The following ATG4B variants were observed in gnomAD, a reference collection of about 807,000 sequenced individuals.
ATG4B encodes autophagy related 4B cysteine peptidase.
Under a neutral mutation model 56.6 loss-of-function variants are expected in ATG4B, and 29 were observed. The observed-to-expected ratio is 0.51, with a 90% confidence interval of 0.38 to 0.70. The LOEUF (loss-of-function observed/expected upper bound fraction) is 0.70. Ranked by LOEUF, ATG4B falls within the 30% of genes least tolerant of loss-of-function variation. The pLI, the probability that ATG4B is intolerant of heterozygous loss-of-function variation, is 0.00. For synonymous variants in ATG4B, 224 were observed against 206.1 expected, an observed-to-expected ratio of 1.09 and a Z score of -0.74; for missense variants, 461 against 515.5, an observed-to-expected ratio of 0.89 and a Z score of 1.02.
Position 241,653,627 on chromosome 2 carries a change from G to A in ATG4B, c.283+17G>A, listed in dbSNP as rs1207059471. 1.5e-5 allele frequency: 23 copies of A among 1,556,252 alleles called. No individual in the cohort carries two copies. Among genetic ancestry groups the A allele is most frequent in the Non-Finnish European group, 1.9e-5 (22 of 1,149,542 alleles). On this transcript the variant is annotated intron_variant, in intron 4 of 12. Transcript: ENST00000404914. The stretch of plus-strand genomic sequence containing the variant: ...TAGGCCGAGGTGAGTCACAGCCCTG[G>A]GGAGGGCGCATGGCCACGGTGTTCT...
intron 1 of ATG4B, among the ~76,000 whole-genome samples, chr2:241,649,135 C>G (rs969700866): frequency 2.0e-4 from 30 of 152,206 alleles, no homozygotes; most frequent in Non-Finnish European, 2.5e-4. Context: ...AGTACCCAAG[C>G]TGGGCTTTAA....
intron 7 of ATG4B, among the ~76,000 whole-genome samples, chr2:241,662,904 C>T (rs1057213817): frequency 1.3e-5 from 2 of 151,886 alleles, no homozygotes; most frequent in African/African-American, 4.8e-5. Flanking sequence ...TAAAGCGGGC[C>T]GGGCATGGTG....
At chr2:241,642,219 G>A (rs865830434) in intron 1 of ATG4B, among the ~76,000 whole-genome samples, 31 of 150,044 alleles carry the variant, frequency 2.1e-4, no homozygotes, top group African/African-American at 6.6e-4. Flanking sequence ...AGGCTGGAGT[G>A]CGGTGGGCGC....
Position 241,672,759 on chromosome 2 carries a change from C to T in ATG4B, c.*495C>T, listed in dbSNP as rs554470140. On this transcript the variant is annotated 3_prime_UTR_variant, in exon 13 of 13. Coordinates refer to ENST00000404914, the MANE Select transcript of ATG4B (RefSeq NM_013325.5). ...GACTGGGCTGCTCTCGAGGGGGGCGCGCCCACCGCTGTGTCCTCTCTGCCC... is the reference window on the plus strand; with the variant it reads ...GACTGGGCTGCTCTCGAGGGGGGCGTGCCCACCGCTGTGTCCTCTCTGCCC... 6.4e-5 allele frequency: 11 copies of T among 171,460 alleles called. No homozygotes were observed. Among genetic ancestry groups the T allele is most frequent in the East Asian group, 3.2e-4 (2 of 6,332 alleles). 10.6% of individuals were successfully genotyped at this position (171,460 alleles called of 1,614,324 possible). A position where few individuals can be genotyped will look rare whatever the true frequency, so the allele number is the denominator to read the frequency against.
rs1347279304 is a variant in ATG4B, at chr2:241,668,705, G to A, written c.957+20G>A. On this transcript the variant is annotated intron_variant, in intron 10 of 12. Transcript: ENST00000404914. This position sits in a 1 kb window ranked among gnomAD's most constrained non-coding sequence, Gnocchi z 4.2. Reference sequence around the variant, plus strand: ...GCTGTGGTACGTGGCGGCCACCTGAGCACACAGGCATTTGGTGCTGAATGC... The same window carrying A: ...GCTGTGGTACGTGGCGGCCACCTGAACACACAGGCATTTGGTGCTGAATGC... The A allele has an allele frequency of 6.4e-7, 1 of 1,558,818 alleles. No individual in the cohort carries two copies. Among genetic ancestry groups the A allele is most frequent in the Admixed American group, 1.9e-5 (1 of 51,490 alleles).
At chr2:241,672,022 C>A (rs988019030) in intron 12 of ATG4B, 169 bp from the exon 13 acceptor site, 12 of 1,429,940 alleles carry the variant, frequency 8.4e-6, no homozygotes, top group African/African-American at 1.4e-5. Flanking sequence ...TCCCTCCCCC[C>A]ATATTCGCAG....
intron 12 of ATG4B, chr2:241,671,980 C>T (rs1346994416): frequency 3.5e-6 from 5 of 1,414,266 alleles, no homozygotes; most frequent in Non-Finnish European, 4.6e-6. Context: ...CGCCCCCTGC[C>T]CTCCTCACCC....
At chr2:241,657,384 C>T (rs903589083) in intron 6 of ATG4B, among the ~76,000 whole-genome samples, 2 of 151,860 alleles carry the variant, frequency 1.3e-5, no homozygotes, top group Non-Finnish European at 2.9e-5. Flanking sequence ...CTGCTACCTC[C>T]GCCTCCCGGG....
intron 7 of ATG4B, among the ~76,000 whole-genome samples, chr2:241,665,674 G>A (rs34412996): frequency 0.36 from 55,085 of 152,106 alleles, 10,323 homozygotes; most frequent in Middle Eastern, 0.51. Flanking sequence ...TCAGATCCCC[G>A]GAGATGGTGT....
chr2:241,672,316 G>A lies in ATG4B; in HGVS notation c.*52G>A, dbSNP rs538272242. On this transcript the variant is annotated 3_prime_UTR_variant, in exon 13 of 13. Coordinates refer to ENST00000404914, the MANE Select transcript of ATG4B (RefSeq NM_013325.5). The stretch of plus-strand genomic sequence containing the variant: ...GTGAGAGCCTGGGGCTCCTGGTGCC[G>A]CTGCGTTTCATCCATCCCGCCCGCT... The A allele has an allele frequency of 1.4e-4, 211 of 1,475,350 alleles. No individual in the cohort carries two copies. Among genetic ancestry groups the A allele is most frequent in the Middle Eastern group, 5.4e-4 (3 of 5,548 alleles). 91.4% of individuals were successfully genotyped at this position (1,475,350 alleles called of 1,614,324 possible). A position where few individuals can be genotyped will look rare whatever the true frequency, so the allele number is the denominator to read the frequency against.
At chr2:241,669,019 A>G (rs988328328) in intron 10 of ATG4B, among the ~76,000 whole-genome samples, 2 of 100,446 alleles carry the variant, frequency 2.0e-5, no homozygotes, top group African/African-American at 5.7e-5. Flanking sequence ...ACATTTAAAC[A>G]CACGGGCGGC....
intron 4 of ATG4B, among the ~76,000 whole-genome samples, chr2:241,653,990 G>GAAAAAAAAAAAAAA (rs34757883): frequency 2.7e-5 from 2 of 72,910 alleles, no homozygotes; most frequent in African/African-American, 4.7e-5. Context: ...GACCCTATCT[G>GAAAAAAAAAAAAAA]AAAAAAAAAA....
intron 1 of ATG4B, among the ~76,000 whole-genome samples, chr2:241,643,663 C>CGTGTGTGTGTGTGT (rs369340875): frequency 3.8e-4 from 51 of 135,642 alleles, no homozygotes; most frequent in African/African-American, 1.1e-3. Flanking sequence ...TATATATATA[C>CGTGTGTGTGTGTGT]GTGTGTGTGT....
Position 241,651,423 on chromosome 2 carries a change from C to A in ATG4B, c.184+88C>A. Reference sequence around the variant, plus strand: ...CGCTTGTAGATTTGACTTCAATATGCCACTGACTTCATTTGAATCTTCACA... The same window carrying A: ...CGCTTGTAGATTTGACTTCAATATGACACTGACTTCATTTGAATCTTCACA... On this transcript the variant is annotated intron_variant, in intron 3 of 12. Transcript: ENST00000404914. The surrounding 1 kb of genome is among the most constrained non-coding windows in gnomAD (Gnocchi z 4.1). 1 of 992,544 alleles carries A rather than the reference C, an allele frequency of 1.0e-6. No homozygotes were observed. The highest frequency in any genetic ancestry group is 1.5e-6 in the Non-Finnish European group (1 of 659,006). The allele number at this position is 992,544 out of a possible 1,614,324, so 61.5% of individuals were successfully genotyped here.
intron 1 of ATG4B, among the ~76,000 whole-genome samples, chr2:241,640,573 C>T (rs2067852671): frequency 6.6e-6 from 1 of 152,212 alleles, no homozygotes; most frequent in Non-Finnish European, 1.5e-5. Context: ...AACCATTGCC[C>T]TGGGGTAGCT....
chr2:241,650,227 G>C (rs765444790), intron 1 of ATG4B, among the ~76,000 whole-genome samples: 4 of 152,194 alleles, frequency 2.6e-5, no homozygotes, highest in African/African-American at 4.8e-5. Context: ...TGCTCTTCTG[G>C]TAGCATTGTT....
At chr2:241,655,608 G>T (rs2068373722) in intron 6 of ATG4B, among the ~76,000 whole-genome samples, 1 of 152,160 alleles carries the variant, frequency 6.6e-6, no homozygotes, top group South Asian at 2.1e-4. Flanking sequence ...TGTAATGGTG[G>T]CTTCTGATGG....
intron 12 of ATG4B, chr2:241,671,896 C>CA: frequency 7.5e-7 from 1 of 1,335,422 alleles, no homozygotes; most frequent in Non-Finnish European, 9.6e-7. Flanking sequence ...AAGGCAATGG[C>CA]AATGGAACCA....
At chr2:241,645,335 A>G (rs149509742) in intron 1 of ATG4B, among the ~76,000 whole-genome samples, 7,670 of 152,256 alleles carry the variant, frequency 0.05, 389 homozygotes, top group African/African-American at 0.13. Context: ...TTGCTCTCTA[A>G]ATGCAGTCAC....
Sources: gnomAD v4.1 joint callset for allele counts (sites outside exome capture counted in the v4.1 genomes callset) on GRCh38, gnomAD v4.1.1 for gene constraint, Gnocchi (gnomAD v3.1) non-coding constraint, MANE v1.5 for transcripts, NCBI Gene and HGNC (gene_info 2026-07-23, HGNC 2026-07-21) for gene names.